The following CREBBP variants were observed in gnomAD, a reference collection of about 807,000 sequenced individuals.
CREBBP encodes the protein CREB binding lysine acetyltransferase, also known as CREB-binding protein.
Under a neutral mutation model 265.0 loss-of-function variants are expected in CREBBP, and 19 were observed. The observed-to-expected ratio is 0.07, with a 90% CI of 0.05 to 0.11. The LOEUF (loss-of-function observed/expected upper bound fraction) is 0.11. CREBBP is among the 10% of genes least tolerant of loss of function. CREBBP has a pLI of 1.00. For synonymous variants in CREBBP, 1,457 were observed against 1,223.7 expected (o/e 1.19, Z -3.98); for missense variants, 2,525 against 3,219.0 (o/e 0.78, Z 5.22).
intron 2 of CREBBP, among the ~76,000 whole-genome samples, chr16:3,849,450 T>TGTGTGTGTGTGTGTGTGTGTGTG: frequency 1.5e-5 from 1 of 66,774 alleles, no homozygotes; most frequent in East Asian, 5.2e-4. Flanking sequence ...TGTGTGTGTG[T>TGTGTGTGTGTGTGTGTGTGTGTG]GTGTGTGTGT....
chr16:3,773,965 C>A, intron 12 of CREBBP, 35 bp from the exon 13 acceptor site: 1 of 1,609,312 alleles, frequency 6.2e-7, no homozygotes, highest in South Asian at 1.1e-5. Context: ...AGCTGTAGTT[C>A]GGAAGCTGAC....
chr16:3,772,585 C>G (rs1160877199), intron 13 of CREBBP, among the ~76,000 whole-genome samples: 1 of 152,048 alleles, frequency 6.6e-6, no homozygotes, highest in East Asian at 1.9e-4. Flanking sequence ...TTCTGCACTA[C>G]AAGAACAGAA....
chr16:3,753,527 G>C (rs1038090982), intron 19 of CREBBP, among the ~76,000 whole-genome samples: 3 of 152,142 alleles, frequency 2.0e-5, no homozygotes, highest in African/African-American at 7.2e-5. Flanking sequence ...ACAGGCAAGA[G>C]GCAGATTAAT....
intron 5 of CREBBP, among the ~76,000 whole-genome samples, chr16:3,791,469 G>C (rs763594595): frequency 6.6e-6 from 1 of 152,160 alleles, no homozygotes; most frequent in Non-Finnish European, 1.5e-5. Context: ...ATAGCTCCAC[G>C]TAGAGGGAAA....
chr16:3,767,290 C>A, intron 16 of CREBBP: 1 of 193,248 alleles, frequency 5.2e-6, no homozygotes. Context: ...AAACCTTCTG[C>A]CTCCAAGTCA....
intron 1 of CREBBP, among the ~76,000 whole-genome samples, chr16:3,879,246 A>G (rs1056223280): frequency 2.1e-4 from 31 of 150,010 alleles, no homozygotes; most frequent in Non-Finnish European, 3.0e-4. Flanking sequence ...ACACACACAC[A>G]CACACACACA....
chr16:3,837,023 G>T (rs1247325731), intron 2 of CREBBP, among the ~76,000 whole-genome samples: 1 of 152,122 alleles, frequency 6.6e-6, no homozygotes. Context: ...TATGTTACTG[G>T]TTTATGTATT....
At chr16:3,847,729 G>T (rs1410755552) in intron 2 of CREBBP, among the ~76,000 whole-genome samples, 1 of 152,142 alleles carries the variant, frequency 6.6e-6, no homozygotes, top group Non-Finnish European at 1.5e-5. Context: ...TCCAACTTCT[G>T]GAAGACACTC....
In CREBBP at chr16:3,850,517, G is replaced by C. The variant is rs2141491711; in HGVS notation, c.578C>G (p.Ser193Cys). 6.2e-7 allele frequency: 1 copy of C among 1,614,242 alleles called. No homozygotes were observed. The highest frequency in any genetic ancestry group is 8.5e-7 in the Non-Finnish European group (1 of 1,180,052). ...AGCCTGATTAATTAAGCTATGGCCA[G>C]AGTTACTATTGAGGAGGCCTGGGTG... ...QTHPGLLNSN[S>C]GHSLINQASQ... The change falls in exon 2 of 31, where the codon TCT becomes TGT. Residue 193 changes from serine to cysteine, a missense_variant. Transcript: ENST00000262367.
Position 3,847,832 on chromosome 16 carries a change from A to G in CREBBP, c.798+2465T>C, listed in dbSNP as rs139905952. ...AACAGAGAACAGATTCTTAAGAGGC[A>G]TATCAACTAACTGAAATGTAGATTT... is the stretch of plus-strand genomic sequence containing the variant. On this transcript the variant is annotated intron_variant, in intron 2 of 30. Coordinates refer to ENST00000262367, the MANE Select transcript of CREBBP (RefSeq NM_004380.3). Among the ~76,000 whole-genome samples the G allele has an allele frequency of 2.8e-3, 431 of 152,352 alleles. 3 individuals carry two copies. Among genetic ancestry groups the G allele is most frequent in the Non-Finnish European group, 5.0e-3 (341 of 68,036 alleles).
At chr16:3,746,052 G>C (rs1024419866) in intron 21 of CREBBP, among the ~76,000 whole-genome samples, 1 of 152,304 alleles carries the variant, frequency 6.6e-6, no homozygotes, top group East Asian at 1.9e-4. Flanking sequence ...CTCAACCCAG[G>C]AATCTTAAAT....
chr16:3,827,880 T>C (rs1215362631), intron 2 of CREBBP, among the ~76,000 whole-genome samples: 2 of 151,976 alleles, frequency 1.3e-5, no homozygotes, highest in Non-Finnish European at 2.9e-5. Flanking sequence ...TTTGTAGAGA[T>C]GGAGTCTCAC....
At chr16:3,787,070 C>CAAAAAAAAAAAAAAAAAAAAAAAAAAA (rs757962926) in intron 5 of CREBBP, among the ~76,000 whole-genome samples, 3 of 86,996 alleles carry the variant, frequency 3.4e-5, no homozygotes, top group Admixed American at 1.3e-4. Flanking sequence ...GACTTCGTCT[C>CAAAAAAAAAAAAAAAAAAAAAAAAAAA]AAAAAAAAAA....
chr16:3,837,619 AAATAAT>A (rs1189086314), intron 2 of CREBBP, among the ~76,000 whole-genome samples: 2 of 151,120 alleles, frequency 1.3e-5, no homozygotes, highest in South Asian at 4.1e-4. Flanking sequence ...GTCTCAAAAA[AAATAAT>A]AATAATAATA....
At chr16:3,739,048 G>A (rs2052139440) in intron 25 of CREBBP, among the ~76,000 whole-genome samples, 1 of 152,112 alleles carries the variant, frequency 6.6e-6, no homozygotes, top group Admixed American at 6.6e-5. Flanking sequence ...TATTTACACT[G>A]GCCACCAAAC....
At position 3,755,583 on chromosome 16, in the gene CREBBP, A is replaced by G. The variant is rs559134704; in HGVS notation, c.3698+1705T>C. On this transcript the variant is annotated intron_variant, in intron 19 of 30. Coordinates refer to ENST00000262367, the MANE Select transcript of CREBBP (RefSeq NM_004380.3). ...ATTGTCTGTATCACAGACAAGGCTA[A>G]GCTTAATACATTAATACATCATGGG... is the stretch of plus-strand genomic sequence containing the variant. Among the ~76,000 whole-genome samples, 11 of 152,358 alleles carry G rather than the reference A, an allele frequency of 7.2e-5. No individual in the cohort carries two copies. The South Asian group carries it at 2.3e-3, about 32-fold the overall frequency.
Position 3,736,766 on chromosome 16 carries a change from A to G in CREBBP, c.4444T>C (p.Tyr1482His), listed in dbSNP as rs587783495. The change falls in exon 27 of 31, where the codon TAC becomes CAC. Residue 1482 changes from tyrosine (Y) to histidine (H), a missense_variant. This residue lies in a region of CREBBP where 7 missense variants were observed against 44.7 expected (regional missense o/e 0.16). Transcript: ENST00000262367. The part of the protein sequence containing the change: ...WACPPSEGDD[Y>H]IFHCHPPDQK... ...TCAGGTGGGTGGCAATGGAAGATGT[A>G]ATCATCTCCTTCACTTGGAGGACAG... The G allele has an allele frequency of 6.2e-7, 1 of 1,613,584 alleles. No individual in the cohort carries two copies. The highest frequency in any genetic ancestry group is 8.5e-7 in the Non-Finnish European group (1 of 1,179,724).
At chr16:3,854,175 C>T (rs900337620) in intron 1 of CREBBP, among the ~76,000 whole-genome samples, 8 of 152,148 alleles carry the variant, frequency 5.3e-5, no homozygotes, top group African/African-American at 1.9e-4. Context: ...ACCACGATCA[C>T]GTTCCCCTTT....
intron 2 of CREBBP, among the ~76,000 whole-genome samples, chr16:3,846,340 G>A (rs9931962): frequency 4.9e-4 from 74 of 152,310 alleles, no homozygotes; most frequent in Non-Finnish European, 9.3e-4. Context: ...TTTGGACAGA[G>A]GCTCAATCAC....
Sources: allele counts gnomAD v4.1 joint callset (sites outside exome capture counted in the v4.1 genomes callset), GRCh38; gene constraint gnomAD v4.1.1; regional missense constraint gnomAD v4.1.1; transcripts MANE v1.5; gene names NCBI Gene and HGNC (gene_info 2026-07-23, HGNC 2026-07-21).